The following SLC7A9 variants were observed in gnomAD, a reference collection of about 807,000 sequenced individuals.
SLC7A9 encodes the protein B(0,+)-type amino acid transporter 1.
In SLC7A9, 38 loss-of-function variants were observed where a neutral mutation model predicts 54.1. The observed-to-expected ratio is 0.70, with a 90% CI of 0.54 to 0.92. The LOEUF is 0.92. Ranked by LOEUF, SLC7A9 falls within the 40% of genes least tolerant of loss-of-function variation. The pLI is 0.00. For missense variants in SLC7A9, 537 were observed against 636.1 expected, an observed-to-expected ratio of 0.84 and a Z score of 1.68; for synonymous variants, 264 against 258.9, an observed-to-expected ratio of 1.02 and a Z score of -0.19.
chr19:32,865,141 G>T (rs1305492148), intron 2 of SLC7A9, among the ~76,000 whole-genome samples: 3 of 152,116 alleles, frequency 2.0e-5, no homozygotes, highest in Non-Finnish European at 4.4e-5. Context: ...TGAAAAGGCT[G>T]ACTTGGCAAC....
chr19:32,833,396 TA>T, intron 11 of SLC7A9, 73 bp from the exon 12 acceptor site: 2 of 1,390,728 alleles, frequency 1.4e-6, no homozygotes, highest in Non-Finnish European at 2.0e-6. Context: ...CCGATTTTTA[TA>T]AAAAGAGTAT....
intron 11 of SLC7A9, among the ~76,000 whole-genome samples, chr19:32,836,607 T>C (rs1293878793): frequency 6.6e-6 from 1 of 152,194 alleles, no homozygotes; most frequent in Non-Finnish European, 1.5e-5. Context: ...GTTCGGGGCT[T>C]GATACAAACC....
In SLC7A9 at chr19:32,864,282, G is replaced by T. The variant is rs772994838; in HGVS notation, c.292C>A (p.Pro98Thr). The change falls in exon 4 of 13, where the codon CCC (proline) becomes ACC (threonine). Residue 98 changes from proline (P) to threonine (T), a missense_variant. Physicochemically the swap from Pro to Thr is conservative, Grantham distance 38. Coordinates refer to ENST00000023064, the MANE Select transcript of SLC7A9 (RefSeq NM_014270.5). ...GGCCCGTAGGCCTCCATCAGGTAGGGATACTCTCCCCCTGACTTGGTGATC... is the reference window on the plus strand; with the variant it reads ...GGCCCGTAGGCCTCCATCAGGTAGGTATACTCTCCCCCTGACTTGGTGATC... ...TMITKSGGEY[P>T]YLMEAYGPIP... The T allele has an allele frequency of 1.2e-6, 2 of 1,614,112 alleles. No homozygotes were observed. Among genetic ancestry groups the T allele is most frequent in the Non-Finnish European group, 1.7e-6 (2 of 1,180,010 alleles).
At chr19:32,849,726 C>A (rs1228258607) in intron 9 of SLC7A9, among the ~76,000 whole-genome samples, 2 of 149,136 alleles carry the variant, frequency 1.3e-5, no homozygotes, top group East Asian at 4.0e-4. Flanking sequence ...GAGACACAAC[C>A]AAAAAAGAGA....
At chr19:32,844,103 C>T (rs1568517113) in intron 9 of SLC7A9, 152 bp from the exon 10 acceptor site, 11 of 690,354 alleles carry the variant, frequency 1.6e-5, no homozygotes, top group Non-Finnish European at 2.9e-5. Context: ...GGGGGTCTGT[C>T]TTCGGGAGAC....
At chr19:32,853,100 A>T (rs770187724) in intron 9 of SLC7A9, among the ~76,000 whole-genome samples, 1 of 152,008 alleles carries the variant, frequency 6.6e-6, no homozygotes, top group Non-Finnish European at 1.5e-5. Flanking sequence ...TAGTAGAGAC[A>T]GGGTTTCACC....
In SLC7A9 at chr19:32,859,772, GT is replaced by G. The variant is rs964290942; in HGVS notation, c.873+68del. On this transcript the variant is annotated intron_variant, in intron 8 of 12. Coordinates refer to ENST00000023064, the MANE Select transcript of SLC7A9 (RefSeq NM_014270.5). ...TTCCCTGGGAGGGAGCTCACCTCCA[GT>G]GCTGACACCTGCCTTACCCCTTCCC... The G allele has an allele frequency of 1.2e-5, 16 of 1,320,366 alleles. No individual in the cohort carries two copies. The Admixed American group carries it at 1.8e-4, about 15-fold the overall frequency. The allele number at this position is 1,320,366 out of a possible 1,614,324, so 81.8% of individuals were successfully genotyped here.
At chr19:32,852,905 CTTTTTTTTT>C (rs56119122) in intron 9 of SLC7A9, among the ~76,000 whole-genome samples, 1 of 97,594 alleles carries the variant, frequency 1.0e-5, no homozygotes, top group Non-Finnish European at 1.9e-5. Context: ...AAGCTATAAA[CTTTTTTTTT>C]TTTTTTTTTT....
intron 2 of SLC7A9, among the ~76,000 whole-genome samples, chr19:32,867,735 A>G (rs575740796): frequency 1.3e-5 from 2 of 151,902 alleles, no homozygotes; most frequent in African/African-American, 4.8e-5. Context: ...ACTTGAGGCC[A>G]GGAATTGGAG....
chr19:32,839,647 CT>C (rs1968074615), intron 11 of SLC7A9, among the ~76,000 whole-genome samples: 1 of 151,372 alleles, frequency 6.6e-6, no homozygotes, highest in South Asian at 2.1e-4. Context: ...GTCAGTTTGG[CT>C]GGGTATAAGA....
At chr19:32,842,921 A>G (rs942082383) in intron 10 of SLC7A9, among the ~76,000 whole-genome samples, 3 of 152,138 alleles carry the variant, frequency 2.0e-5, no homozygotes, top group Non-Finnish European at 4.4e-5. Context: ...AGAGTTTTCA[A>G]TGTGGGCTGG....
chr19:32,858,338 G>T, intron 9 of SLC7A9, 102 bp downstream of exon 9: 3 of 843,078 alleles, frequency 3.6e-6, no homozygotes, highest in Non-Finnish European at 3.9e-6. Context: ...CGTGGGTTTC[G>T]CCTGGCAGAA....
chr19:32,836,156 G>A (rs1022019292), intron 11 of SLC7A9, among the ~76,000 whole-genome samples: 1 of 151,750 alleles, frequency 6.6e-6, no homozygotes, highest in African/African-American at 2.4e-5. Context: ...CTTGTGATCC[G>A]CCGGCCTCAG....
chr19:32,851,232 C>G (rs1474056501), intron 9 of SLC7A9, among the ~76,000 whole-genome samples: 1 of 151,944 alleles, frequency 6.6e-6, no homozygotes, highest in Non-Finnish European at 1.5e-5. Context: ...TCAGAGTGAA[C>G]AGGCAACCTA....
chr19:32,846,109 AT>A (rs1162721728), intron 9 of SLC7A9, among the ~76,000 whole-genome samples: 1 of 152,194 alleles, frequency 6.6e-6, no homozygotes, highest in African/African-American at 2.4e-5. Flanking sequence ...AAGACGGGTG[AT>A]TTCTGCATTT....
chr19:32,846,032 G>A (rs1968281116), intron 9 of SLC7A9, among the ~76,000 whole-genome samples: 1 of 152,128 alleles, frequency 6.6e-6, no homozygotes, highest in African/African-American at 2.4e-5. Flanking sequence ...GAATTGATGG[G>A]GGCATGGAGC....
rs376464833 is a variant in SLC7A9 at position 32,858,423 on chromosome 19, C to T, written c.977+17G>A. The T allele has an allele frequency of 4.9e-5, 76 of 1,562,764 alleles. No individual in the cohort carries two copies. Among genetic ancestry groups the T allele is most frequent in the African/African-American group, 1.8e-4 (13 of 74,020 alleles). ...CCGCCCCTGTCCACCCTGGGAGTGACGGTGGGGGTCCCCTACCTGCCCGCT... is the reference window on the plus strand; with the variant it reads ...CCGCCCCTGTCCACCCTGGGAGTGATGGTGGGGGTCCCCTACCTGCCCGCT... On this transcript the variant is annotated intron_variant, in intron 9 of 12. Coordinates refer to ENST00000023064, the MANE Select transcript of SLC7A9 (RefSeq NM_014270.5).
chr19:32,834,187 G>A (rs1967889155), intron 11 of SLC7A9, among the ~76,000 whole-genome samples: 2 of 152,264 alleles, frequency 1.3e-5, no homozygotes, highest in South Asian at 4.1e-4. Context: ...GGAATGGGAC[G>A]CCAGTGCTCT....
chr19:32,834,730 G>C (rs1967906945), intron 11 of SLC7A9, among the ~76,000 whole-genome samples: 1 of 152,162 alleles, frequency 6.6e-6, no homozygotes, highest in Non-Finnish European at 1.5e-5. Context: ...AGTTAAGTTT[G>C]CTGGGATTGT....
Sources: allele counts gnomAD v4.1 joint callset (sites outside exome capture counted in the v4.1 genomes callset), GRCh38; gene constraint gnomAD v4.1.1; transcripts MANE v1.5; gene names NCBI Gene and HGNC (gene_info 2026-07-23, HGNC 2026-07-21).